MRPS18C: variants seen among roughly 807,000 people sequenced by gnomAD.
The protein encoded by MRPS18C is mitochondrial ribosomal protein S18C.
Under a neutral mutation model 21.0 loss-of-function variants are expected in MRPS18C, and 21 were observed. The observed-to-expected ratio is 1.00, with a 90% confidence interval of 0.71 to 1.44. The LOEUF (loss-of-function observed/expected upper bound fraction) is 1.44, where lower values mean the gene tolerates loss of function less well. Ranked by LOEUF, MRPS18C falls within the 40% of genes most tolerant of loss-of-function variation. The pLI, the probability that MRPS18C is intolerant of heterozygous loss-of-function variation, is 0.00. For synonymous variants in MRPS18C, 65 were observed against 54.3 expected (o/e 1.20, Z -0.87); for missense variants, 152 against 171.5 (o/e 0.89, Z 0.64).
rs1722124438 is a variant in MRPS18C at position 83,461,689 on chromosome 4, A to G, written c.*492A>G. ...TTGAATATGATAGACATACATGTAT[A>G]TATGTATCAGTTCTGAGTTCCACTG... On this transcript the variant is annotated 3_prime_UTR_variant, in exon 6 of 6. Coordinates refer to ENST00000295491, the MANE Select transcript of MRPS18C (RefSeq NM_016067.4). The G allele has an allele frequency of 2.0e-5, 5 of 247,902 alleles. No homozygotes were observed. Among genetic ancestry groups the G allele is most frequent in the Non-Finnish European group, 4.0e-5 (5 of 125,674 alleles). The allele number at this position is 247,902 out of a possible 1,614,324, so 15.4% of individuals were successfully genotyped here.
chr4:83,459,759 C>T lies in MRPS18C; in HGVS notation c.254C>T (p.Ser85Phe). The T allele has an allele frequency of 6.2e-7, 1 of 1,610,364 alleles. No individual in the cohort carries two copies. The highest frequency in any genetic ancestry group is 8.5e-7 in the Non-Finnish European group (1 of 1,178,124). The stretch of plus-strand genomic sequence containing the variant: ...AAACAGCTTTTGTCCCAGTTTGTTT[C>T]TCCATTTACTGGATGCATTTATGGA... ...KNVQLLSQFV[S>F]PFTGCIYGRH... Residue 85 changes from serine to phenylalanine, a missense_variant, in exon 4 of 6, where the codon TCT (serine) becomes TTT (phenylalanine). Physicochemically the swap from Ser to Phe is radical, Grantham distance 155. Coordinates refer to ENST00000295491, the MANE Select transcript of MRPS18C (RefSeq NM_016067.4).
intron 1 of MRPS18C, 111 bp from the exon 2 acceptor site, chr4:83,456,798 C>G: frequency 9.4e-7 from 1 of 1,066,798 alleles, no homozygotes; most frequent in Non-Finnish European, 1.4e-6. Flanking sequence ...AATACAAAAC[C>G]TTTCTTTAAT....
rs890890766 is a variant in MRPS18C, at chr4:83,462,288, T to C, written c.*1091T>C. On this transcript the variant is annotated 3_prime_UTR_variant, in exon 6 of 6. Coordinates refer to ENST00000295491, the MANE Select transcript of MRPS18C (RefSeq NM_016067.4). ...AAGGTTTGGAAATAAAAGCATCTGA[T>C]GTTTGAAAAAGTACTTTGTGAAGTA... The C allele has an allele frequency of 8.6e-6, 5 of 579,130 alleles. No individual in the cohort carries two copies. Among genetic ancestry groups the C allele is most frequent in the East Asian group, 3.0e-5 (1 of 33,702 alleles). The allele number at this position is 579,130 out of a possible 1,614,324, so 35.9% of individuals were successfully genotyped here. A position where few individuals can be genotyped will look rare whatever the true frequency, so the allele number is the denominator to read the frequency against.
At chr4:83,458,282 T>C in intron 2 of MRPS18C, 64 bp from the exon 3 acceptor site, 1 of 1,130,012 alleles carries the variant, frequency 8.8e-7, no homozygotes, top group South Asian at 1.3e-5. Flanking sequence ...GAATGTAGAA[T>C]AGTAACCTTT....
In MRPS18C at chr4:83,461,915, A is replaced by G. The variant is rs1722132952; in HGVS notation, c.*718A>G. 4.4e-6 allele frequency: 1 copy of G among 229,628 alleles called. No individual in the cohort carries two copies. The highest frequency in any genetic ancestry group is 8.6e-6 in the Non-Finnish European group (1 of 115,934). The allele number at this position is 229,628 out of a possible 1,614,324, so 14.2% of individuals were successfully genotyped here. A position where few individuals can be genotyped will look rare whatever the true frequency, so the allele number is the denominator to read the frequency against. ...ATTTTAGATGATGTTTTGCAAATTTATTGCATGATATCCAGCATTTTATCT... is the reference window on the plus strand; with the variant it reads ...ATTTTAGATGATGTTTTGCAAATTTGTTGCATGATATCCAGCATTTTATCT... On this transcript the variant is annotated 3_prime_UTR_variant, in exon 6 of 6. Coordinates refer to ENST00000295491, the MANE Select transcript of MRPS18C (RefSeq NM_016067.4).
At chr4:83,457,074 G>T (rs1721871334) in intron 2 of MRPS18C, 116 bp downstream of exon 2, 4 of 813,310 alleles carry the variant, frequency 4.9e-6, no homozygotes, top group Non-Finnish European at 7.8e-6. Context: ...TACTTGAATA[G>T]AGTTCTGCCG....
chr4:83,459,874 C>CA (rs1212374385), intron 4 of MRPS18C, 77 bp downstream of exon 4: 1 of 1,251,742 alleles, frequency 8.0e-7, no homozygotes, highest in African/African-American at 1.5e-5. Context: ...TAAGAAAACT[C>CA]AAATTTTCAA....
chr4:83,458,591 C>T (rs1721954349), intron 3 of MRPS18C, 162 bp downstream of exon 3: 2 of 508,116 alleles, frequency 3.9e-6, no homozygotes. Flanking sequence ...CTTATCTCTG[C>T]TTTATTCAAG....
chr4:83,456,673 G>A lies in MRPS18C; in HGVS notation c.101-236G>A, dbSNP rs371626820. ...TGGAATGAAGGGAAAATAAATGTCAGAAAGAGCAGGTATGGGCGGGAAAAT... is the reference window on the plus strand; with the variant it reads ...TGGAATGAAGGGAAAATAAATGTCAAAAAGAGCAGGTATGGGCGGGAAAAT... On this transcript the variant is annotated intron_variant, in intron 1 of 5. Transcript: ENST00000295491. Among the ~76,000 whole-genome samples the A allele has an allele frequency of 5.0e-4, 76 of 152,282 alleles. 2 individuals are homozygous for A. The East Asian group carries it at 9.2e-3, about 19-fold the overall frequency.
chr4:83,462,254 G>A lies in MRPS18C; in HGVS notation c.*1057G>A. ...CCTTCCCCTCAACAACTTAGTGAAA[G>A]GTGAAAAAAAGGTTTGGAAATAAAA... On this transcript the variant is annotated 3_prime_UTR_variant, in exon 6 of 6. Coordinates refer to ENST00000295491, the MANE Select transcript of MRPS18C (RefSeq NM_016067.4). 1 of 511,308 alleles carries A rather than the reference G, an allele frequency of 2.0e-6. No homozygotes were observed. Among genetic ancestry groups the A allele is most frequent in the Non-Finnish European group, 3.4e-6 (1 of 290,264 alleles). 31.7% of individuals were successfully genotyped at this position (511,308 alleles called of 1,614,324 possible). A position where few individuals can be genotyped will look rare whatever the true frequency, so the allele number is the denominator to read the frequency against.
At chr4:83,456,424 G>T (rs1460493444) in intron 1 of MRPS18C, among the ~76,000 whole-genome samples, 1 of 152,106 alleles carries the variant, frequency 6.6e-6, no homozygotes, top group Non-Finnish European at 1.5e-5. Flanking sequence ...AAGATCTCTG[G>T]ATAATCTTAG....
In MRPS18C at chr4:83,462,171, G is replaced by T; in HGVS notation, c.*974G>T. On this transcript the variant is annotated 3_prime_UTR_variant, in exon 6 of 6. Transcript: ENST00000295491. ...TCTTCCCTAAGTGCTGGGATTACAGGTGTGAGCCACTGTGCCTGGTCTCAC... is the reference window on the plus strand; with the variant it reads ...TCTTCCCTAAGTGCTGGGATTACAGTTGTGAGCCACTGTGCCTGGTCTCAC... 1 of 337,744 alleles carries T rather than the reference G, an allele frequency of 3.0e-6. No homozygotes were observed. Among genetic ancestry groups the T allele is most frequent in the Non-Finnish European group, 5.4e-6 (1 of 184,888 alleles). 20.9% of individuals were successfully genotyped at this position (337,744 alleles called of 1,614,324 possible). A position where few individuals can be genotyped will look rare whatever the true frequency, so the allele number is the denominator to read the frequency against.
At chr4:83,460,887 C>T (rs1339084061) in intron 4 of MRPS18C, 86 bp from the exon 5 acceptor site, 1 of 1,145,072 alleles carries the variant, frequency 8.7e-7, no homozygotes, top group Non-Finnish European at 1.3e-6. Context: ...GCCTGGGTGA[C>T]ACAGGGAGAC....
In MRPS18C at chr4:83,461,670, A is replaced by G. The variant is rs1246323238; in HGVS notation, c.*473A>G. 3.9e-6 allele frequency: 1 copy of G among 258,718 alleles called. No individual in the cohort carries two copies. Among genetic ancestry groups the G allele is most frequent in the African/African-American group, 2.2e-5 (1 of 46,212 alleles). The allele number at this position is 258,718 out of a possible 1,614,324, so 16.0% of individuals were successfully genotyped here. A position where few individuals can be genotyped will look rare whatever the true frequency, so the allele number is the denominator to read the frequency against. Reference sequence around the variant, plus strand: ...GATTTACACCTAATAGACATTGAATATGATAGACATACATGTATATATGTA... The same window carrying G: ...GATTTACACCTAATAGACATTGAATGTGATAGACATACATGTATATATGTA... On this transcript the variant is annotated 3_prime_UTR_variant, in exon 6 of 6. Transcript: ENST00000295491.
chr4:83,458,793 CTT>C (rs530820718), intron 3 of MRPS18C: 7 of 170,292 alleles, frequency 4.1e-5, no homozygotes, highest in Admixed American at 1.3e-4. Flanking sequence ...TTACTTATCT[CTT>C]GTCTAACTCT....
At chr4:83,457,090 C>T in intron 2 of MRPS18C, 132 bp downstream of exon 2, 1 of 681,528 alleles carries the variant, frequency 1.5e-6, no homozygotes, top group Non-Finnish European at 2.4e-6. Context: ...TGCCGTAGGA[C>T]AAAACAATTT....
rs1722105628 is a variant in MRPS18C at position 83,461,338 on chromosome 4, A to G, written c.*141A>G. On this transcript the variant is annotated 3_prime_UTR_variant, in exon 6 of 6. Transcript: ENST00000295491. Reference sequence around the variant, plus strand: ...ACACTTCCCCTTCATACCAATGTCCATTAAGCAGATTGCTTATTTAAAATG... The same window carrying G: ...ACACTTCCCCTTCATACCAATGTCCGTTAAGCAGATTGCTTATTTAAAATG... 3 of 652,848 alleles carry G rather than the reference A, an allele frequency of 4.6e-6. No homozygotes were observed. Among genetic ancestry groups the G allele is most frequent in the Non-Finnish European group, 8.2e-6 (3 of 367,520 alleles). 40.4% of individuals were successfully genotyped at this position (652,848 alleles called of 1,614,324 possible). A position where few individuals can be genotyped will look rare whatever the true frequency, so the allele number is the denominator to read the frequency against.
rs1721944638 is a variant in MRPS18C, at chr4:83,458,381, T to A, written c.186T>A (p.Leu62=). The A allele has an allele frequency of 6.2e-7, 1 of 1,606,018 alleles. No individual in the cohort carries two copies. The highest frequency in any genetic ancestry group is 1.3e-5 in the African/African-American group (1 of 74,768). The change falls in exon 3 of 6, where the codon CTT becomes CTA. Residue 62 remains leucine, a synonymous_variant. Coordinates refer to ENST00000295491, the MANE Select transcript of MRPS18C (RefSeq NM_016067.4). ...ISMENPYKEP[L]KKCILCGKHV... is the part of the protein sequence containing the mutation. ...TGGAAAATCCTTATAAAGAACCTCT[T>A]AAGAAATGTATCTTGTGTGGAAAGC...
chr4:83,458,652 T>C (rs1721958094), intron 3 of MRPS18C: 1 of 406,190 alleles, frequency 2.5e-6, no homozygotes, highest in African/African-American at 2.1e-5. Context: ...CTCTGTTTTT[T>C]TCACTACCCC....
Sources: allele counts gnomAD v4.1 joint callset (sites outside exome capture counted in the v4.1 genomes callset), GRCh38; gene constraint gnomAD v4.1.1; transcripts MANE v1.5; gene names NCBI Gene and HGNC (gene_info 2026-07-23, HGNC 2026-07-21).